DACH1: variants seen among roughly 807,000 people sequenced by gnomAD.
DACH1 encodes dachshund homolog 1.
DACH1 carries 12 observed loss-of-function variants against 54.2 expected under a neutral mutation model. The ratio of observed to expected loss-of-function variants is 0.22; its 90% CI spans 0.14 to 0.36. DACH1 has a LOEUF of 0.36. DACH1 is among the 10% of genes least tolerant of loss of function. DACH1 has a pLI of 1.00. For synonymous variants in DACH1, 386 were observed against 366.2 expected, an observed-to-expected ratio of 1.05 and a Z score of -0.62; for missense variants, 805 against 929.8, an observed-to-expected ratio of 0.87 and a Z score of 1.75.
At chr13:71,676,100 A>G (rs931766160) in intron 2 of DACH1, among the ~76,000 whole-genome samples, 3 of 152,226 alleles carry the variant, frequency 2.0e-5, no homozygotes, top group African/African-American at 7.2e-5. Flanking sequence ...TTTATTAGTG[A>G]AGACAATCCA....
chr13:71,584,666 C>CA (rs931638004), intron 3 of DACH1, among the ~76,000 whole-genome samples: 15 of 151,404 alleles, frequency 9.9e-5, no homozygotes, highest in South Asian at 6.3e-4. Context: ...AAAAATATTT[C>CA]AAAAAAAATA....
intron 1 of DACH1, among the ~76,000 whole-genome samples, chr13:71,705,865 G>C (rs73215228): frequency 0.018 from 2,782 of 152,044 alleles, 47 homozygotes; most frequent in Middle Eastern, 0.041. Flanking sequence ...TTCTGTAAGT[G>C]TGCTTCTCTA....
Position 71,557,097 on chromosome 13 carries a change from A to C in DACH1, c.1497T>G (p.Leu499=). ...CCAAATCTCCCTCTTTGGGCCCAGG[A>C]AGTACATTTGGTGATAAGCCCATCA... The part of the protein sequence containing the change: ...QMLMGLSPNV[L]PGPKEGDLAG... Residue 499 remains leucine, a synonymous_variant, in exon 6 of 11, where the codon CTT becomes CTG. Coordinates refer to ENST00000613252, the MANE Select transcript of DACH1 (RefSeq NM_080759.6). The C allele has an allele frequency of 6.2e-7, 1 of 1,611,526 alleles. No individual in the cohort carries two copies. Among genetic ancestry groups the C allele is most frequent in the East Asian group, 2.2e-5 (1 of 44,556 alleles).
At chr13:71,565,948 C>A (rs2138397903) in intron 4 of DACH1, among the ~76,000 whole-genome samples, 1 of 152,222 alleles carries the variant, frequency 6.6e-6, no homozygotes, top group African/African-American at 2.4e-5. Flanking sequence ...AATTATAATT[C>A]AGCACCATCT....
chr13:71,449,711 A>C (rs1176343853), intron 10 of DACH1, among the ~76,000 whole-genome samples: 1 of 152,088 alleles, frequency 6.6e-6, no homozygotes, highest in Non-Finnish European at 1.5e-5. Flanking sequence ...CATCATTAAA[A>C]ATTTTTTTAA....
At chr13:71,629,604 G>T (rs1397807362) in intron 3 of DACH1, among the ~76,000 whole-genome samples, 1 of 152,060 alleles carries the variant, frequency 6.6e-6, no homozygotes, top group Non-Finnish European at 1.5e-5. Flanking sequence ...TGTCTTAATG[G>T]ATTGAAAGTA....
intron 6 of DACH1, among the ~76,000 whole-genome samples, chr13:71,522,277 A>C (rs1391541894): frequency 6.6e-6 from 1 of 152,000 alleles, no homozygotes; most frequent in Non-Finnish European, 1.5e-5. Context: ...TAGCTTTTTC[A>C]AACTCTTCCC....
intron 1 of DACH1, among the ~76,000 whole-genome samples, chr13:71,701,680 T>G (rs998256184): frequency 2.0e-5 from 3 of 152,138 alleles, no homozygotes; most frequent in Non-Finnish European, 2.9e-5. Flanking sequence ...CAGATAGAGT[T>G]TCTGGAGGTA....
At chr13:71,490,968 A>ATGAT (rs1408373735) in intron 6 of DACH1, among the ~76,000 whole-genome samples, 1 of 152,214 alleles carries the variant, frequency 6.6e-6, no homozygotes, top group Non-Finnish European at 1.5e-5. Flanking sequence ...TTTAGAATCT[A>ATGAT]TGATTCCACA....
intron 1 of DACH1, among the ~76,000 whole-genome samples, chr13:71,846,908 C>T (rs1873316161): frequency 6.6e-6 from 1 of 152,112 alleles, no homozygotes; most frequent in South Asian, 2.1e-4. Context: ...AAACACTAAA[C>T]ACTAAAAATA....
chr13:71,463,531 A>T (rs1876287193), intron 10 of DACH1, among the ~76,000 whole-genome samples: 1 of 152,088 alleles, frequency 6.6e-6, no homozygotes, highest in Non-Finnish European at 1.5e-5. Flanking sequence ...ACATAAAAAG[A>T]TTGCTGTCAC....
At chr13:71,735,761 G>A (rs60642903) in intron 1 of DACH1, among the ~76,000 whole-genome samples, 1 of 151,790 alleles carries the variant, frequency 6.6e-6, no homozygotes, top group African/African-American at 2.4e-5. Context: ...GAAATTAAGG[G>A]AAAGAGTCCA....
At chr13:71,451,248 C>T (rs535010551) in intron 10 of DACH1, among the ~76,000 whole-genome samples, 4 of 152,208 alleles carry the variant, frequency 2.6e-5, no homozygotes, top group Non-Finnish European at 4.4e-5. Flanking sequence ...GTCCTATGCA[C>T]GTGGCATAGG....
intron 2 of DACH1, among the ~76,000 whole-genome samples, chr13:71,670,974 T>C (rs1880173245): frequency 6.6e-6 from 1 of 152,092 alleles, no homozygotes; most frequent in South Asian, 2.1e-4. Flanking sequence ...TTGGCTTCTC[T>C]CTTGGGACTT....
intron 1 of DACH1, among the ~76,000 whole-genome samples, chr13:71,734,940 AACACAC>A (rs562771953): frequency 6.7e-6 from 1 of 148,626 alleles, no homozygotes; most frequent in East Asian, 2.0e-4. Flanking sequence ...CATATATATA[AACACAC>A]ACACACAGGA....
In DACH1 at chr13:71,499,111, G is replaced by GCACA. The variant is rs140335206; in HGVS notation, c.1571-9967_1571-9964dup. ...TAAACACACACACATGCGAGCACGCGCACACACACACACACACACACGCAG... is the reference window on the plus strand; with the variant it reads ...TAAACACACACACATGCGAGCACGCGCACACACACACACACACACACACACGCAG... On this transcript the variant is annotated intron_variant, in intron 6 of 10. Transcript: ENST00000613252. 6.9e-3 allele frequency among the ~76,000 whole-genome samples: 866 copies of GCACA among 126,016 alleles called. 6 individuals carry two copies. The highest frequency in any genetic ancestry group is 9.0e-3 in the Non-Finnish European group (530 of 58,628). 82.7% of individuals were successfully genotyped at this position (126,016 alleles called of 152,430 possible).
intron 6 of DACH1, among the ~76,000 whole-genome samples, chr13:71,546,640 A>G (rs1883484914): frequency 6.6e-6 from 1 of 152,016 alleles, no homozygotes; most frequent in Admixed American, 6.6e-5. Flanking sequence ...TATATTGCTT[A>G]TAATTAATTC....
chr13:71,835,006 C>A lies in DACH1; in HGVS notation c.848+30916G>T, dbSNP rs1376325454. On this transcript the variant is annotated intron_variant, in intron 1 of 10. Transcript: ENST00000613252. ...TGTTGAGGCTCAGCCCAGGAATTTGCCAAACAGATAAGAAGACAGAAAAGC... is the reference window on the plus strand; with the variant it reads ...TGTTGAGGCTCAGCCCAGGAATTTGACAAACAGATAAGAAGACAGAAAAGC... Among the ~76,000 whole-genome samples the A allele has an allele frequency of 2.0e-5, 3 of 151,988 alleles. No individual in the cohort carries two copies. The East Asian group carries it at 5.8e-4, about 29-fold the overall frequency.
chr13:71,509,110 T>A (rs1880562417), intron 6 of DACH1, among the ~76,000 whole-genome samples: 1 of 152,164 alleles, frequency 6.6e-6, no homozygotes, highest in South Asian at 2.1e-4. Context: ...TTGACTGATC[T>A]TTCTACTACC....
Sources: allele counts gnomAD v4.1 joint callset (sites outside exome capture counted in the v4.1 genomes callset), GRCh38; gene constraint gnomAD v4.1.1; transcripts MANE v1.5; gene names NCBI Gene and HGNC (gene_info 2026-07-23, HGNC 2026-07-21).